Variants in GLDC observed in about 807,000 individuals in gnomAD.
GLDC encodes glycine decarboxylase.
A neutral mutation model predicts 121.3 loss-of-function variants in GLDC; 104 were observed. The observed-to-expected ratio is 0.86, with a 90% CI of 0.73 to 1.01. GLDC has a LOEUF of 1.01. GLDC is among the 50% of genes least tolerant of loss of function. The probability of loss-of-function intolerance (pLI) is 0.00; values close to 1 mark genes in which losing one functional copy is unlikely to be tolerated. For synonymous variants in GLDC, 546 were observed against 480.6 expected (o/e 1.14, Z -1.78); for missense variants, 1,429 against 1,306.6 (o/e 1.09, Z -1.44).
chr9:6,567,706 A>T (rs1403597775), intron 15 of GLDC, among the ~76,000 whole-genome samples: 1 of 152,252 alleles, frequency 6.6e-6, no homozygotes, highest in East Asian at 1.9e-4. Context: ...TACCTCCTCC[A>T]AATTATCATA....
Position 6,592,854 on chromosome 9 carries a change from G to T in GLDC, c.1398C>A (p.Gly466=), listed in dbSNP as rs746977015. 1.2e-6 allele frequency: 2 copies of T among 1,612,830 alleles called. No individual in the cohort carries two copies. Among genetic ancestry groups the T allele is most frequent in the South Asian group, 1.1e-5 (1 of 91,038 alleles). ...RQINFRLFED[G]TLGISLDETV... is the part of the protein sequence containing the mutation. ...AAATACTGAAAATTTGACTTACTGT[G>T]CCATCCTCAAAAAGCCGAAAATTGA... The change falls in exon 10 of 25, where the codon GGC becomes GGA. Residue 466 remains glycine, a synonymous_variant. Coordinates refer to ENST00000321612, the MANE Select transcript of GLDC (RefSeq NM_000170.3).
At chr9:6,581,737 C>G (rs948181947) in intron 15 of GLDC, among the ~76,000 whole-genome samples, 1 of 152,122 alleles carries the variant, frequency 6.6e-6, no homozygotes, top group Non-Finnish European at 1.5e-5. Flanking sequence ...GTTAGACTAT[C>G]CAGGTTGACC....
At chr9:6,604,902 C>G in intron 6 of GLDC, 118 bp from the exon 7 acceptor site, 1 of 924,036 alleles carries the variant, frequency 1.1e-6, no homozygotes, top group Non-Finnish European at 1.8e-6. Context: ...ATCCTGTGAA[C>G]TCCATTGCTC....
chr9:6,602,204 C>G lies in GLDC; in HGVS notation c.1060G>C (p.Asp354His), dbSNP rs1336417205. Reference protein sequence around the residue: ...MPGRMVGVTRDATGKEVYRLA... With the variant: ...MPGRMVGVTRHATGKEVYRLA... ...CGATACACTTCTTTCCCAGTGGCAT[C>G]TCTACACCAAGAATAAGGCATCCAG... Residue 354 changes from aspartate (D) to histidine (H), a missense_variant and splice_region_variant, in exon 8 of 25, where the codon GAT becomes CAT. Transcript: ENST00000321612. The G allele has an allele frequency of 6.3e-7, 1 of 1,596,006 alleles. No homozygotes were observed. The highest frequency in any genetic ancestry group is 8.6e-7 in the Non-Finnish European group (1 of 1,164,092).
At chr9:6,544,465 G>A (rs1008890259) in intron 21 of GLDC, among the ~76,000 whole-genome samples, 6 of 152,112 alleles carry the variant, frequency 3.9e-5, no homozygotes, top group Non-Finnish European at 5.9e-5. Flanking sequence ...CCAACATGGC[G>A]AAACCTCGTC....
At chr9:6,543,549 C>A (rs1383588266) in intron 21 of GLDC, among the ~76,000 whole-genome samples, 1 of 152,336 alleles carries the variant, frequency 6.6e-6, no homozygotes, top group South Asian at 2.1e-4. Context: ...TTAGGAAGAG[C>A]TCCATTTTCT....
intron 3 of GLDC, among the ~76,000 whole-genome samples, 160 bp from the exon 4 acceptor site, chr9:6,610,516 G>T (rs1247160260): frequency 6.6e-6 from 1 of 152,190 alleles, no homozygotes; most frequent in East Asian, 1.9e-4. Context: ...GTAAAGCTTA[G>T]AATTAAATCA....
intron 19 of GLDC, among the ~76,000 whole-genome samples, chr9:6,554,413 A>C (rs577055557): frequency 1.3e-5 from 2 of 152,314 alleles, no homozygotes; most frequent in African/African-American, 4.8e-5. Flanking sequence ...TTATTCTGTT[A>C]ATAAACCTGC....
intron 2 of GLDC, chr9:6,639,039 G>A (rs1435916055): frequency 1.7e-6 from 1 of 586,502 alleles, no homozygotes; most frequent in East Asian, 3.0e-5. Context: ...TCCTCAGAGT[G>A]TCTTTCAATA....
intron 20 of GLDC, among the ~76,000 whole-genome samples, chr9:6,552,233 A>T (rs1342007820): frequency 2.0e-5 from 3 of 152,146 alleles, no homozygotes; most frequent in Non-Finnish European, 4.4e-5. Context: ...ACCCTACTTT[A>T]TTTATTTAGT....
At chr9:6,604,815 G>A in intron 6 of GLDC, 31 bp from the exon 7 acceptor site, 1 of 1,565,614 alleles carries the variant, frequency 6.4e-7, no homozygotes, top group Non-Finnish European at 8.8e-7. Flanking sequence ...AAGGAACAAG[G>A]TTGCTACCTT....
At chr9:6,645,175 G>C in intron 1 of GLDC, 70 bp downstream of exon 1, 2 of 1,439,762 alleles carry the variant, frequency 1.4e-6, no homozygotes, top group Admixed American at 2.3e-5. Flanking sequence ...GGTAGGAGCC[G>C]GGAGGCCGCG....
In GLDC at chr9:6,532,656, A is replaced by G. The variant is rs1037248523; in HGVS notation, c.*361T>C. 1.0e-5 allele frequency: 3 copies of G among 298,622 alleles called. No individual in the cohort carries two copies. Among genetic ancestry groups the G allele is most frequent in the African/African-American group, 6.5e-5 (3 of 46,404 alleles). 18.5% of individuals were successfully genotyped at this position (298,622 alleles called of 1,614,324 possible). On this transcript the variant is annotated 3_prime_UTR_variant, in exon 25 of 25. Transcript: ENST00000321612. ...ATTTCCCACAGATGGCACAGTCCAC[A>G]TGGACTCTTTTGGAACAAAAAAATG... is the stretch of plus-strand genomic sequence containing the variant.
intron 2 of GLDC, chr9:6,622,992 G>A (rs567619421): frequency 1.6e-5 from 3 of 182,368 alleles, no homozygotes; most frequent in Non-Finnish European, 3.3e-5. Context: ...CGGGAGGGAG[G>A]TGGGGGGTCA....
intron 15 of GLDC, among the ~76,000 whole-genome samples, chr9:6,577,564 A>G (rs530094615): frequency 2.0e-5 from 3 of 152,354 alleles, no homozygotes; most frequent in African/African-American, 4.8e-5. Context: ...ACTAAATAAC[A>G]TATGATCAAG....
intron 11 of GLDC, 101 bp from the exon 12 acceptor site, chr9:6,589,393 G>C (rs891011383): frequency 1.4e-5 from 9 of 640,672 alleles, no homozygotes; most frequent in Non-Finnish European, 2.5e-5. Context: ...ACTCAAAATG[G>C]ATCAAATATA....
At chr9:6,609,489 C>A (rs1244293281) in intron 4 of GLDC, among the ~76,000 whole-genome samples, 5 of 152,084 alleles carry the variant, frequency 3.3e-5, no homozygotes, top group African/African-American at 1.2e-4. Flanking sequence ...AAACAGAGAC[C>A]CTCATGCCTT....
chr9:6,641,072 A>T (rs1819620886), intron 2 of GLDC, among the ~76,000 whole-genome samples: 1 of 152,184 alleles, frequency 6.6e-6, no homozygotes, highest in South Asian at 2.1e-4. Context: ...CTTAGCAGCC[A>T]GTTCATGATC....
chr9:6,614,894 T>G (rs1818937721), intron 3 of GLDC, among the ~76,000 whole-genome samples: 1 of 152,328 alleles, frequency 6.6e-6, no homozygotes, highest in East Asian at 1.9e-4. Context: ...GTTACTGTAC[T>G]GAATACTATA....
Sources: gnomAD v4.1 joint callset for allele counts (sites outside exome capture counted in the v4.1 genomes callset) on GRCh38, gnomAD v4.1.1 for gene constraint, MANE v1.5 for transcripts, NCBI Gene and HGNC (gene_info 2026-07-23, HGNC 2026-07-21) for gene names.